Variants in ZNF805 observed in about 807,000 individuals in gnomAD.
ZNF805 encodes the protein zinc finger protein 805, also known as CTC-444N24.8.
A neutral mutation model predicts 13.6 loss-of-function variants in ZNF805; 7 were observed. That is an observed-to-expected ratio of 0.51 (90% CI 0.29 to 0.97). The LOEUF is 0.97. ZNF805 is among the 50% of genes least tolerant of loss of function. ZNF805 has a pLI of 0.08. For synonymous variants in ZNF805, 293 were observed against 279.8 expected (o/e 1.05, Z -0.47); for missense variants, 604 against 771.0 (o/e 0.78, Z 2.57).
rs2087683628 is a variant in ZNF805, at chr19:57,255,722, T to A, written c.*1019T>A. On this transcript the variant is annotated 3_prime_UTR_variant, in exon 4 of 4. Transcript: ENST00000414468. ...GCAACCTTCCTAAACTCATTATTTCTTGCCATTTCTTTTGGGAGAATCCTT... is the reference window on the plus strand; with the variant it reads ...GCAACCTTCCTAAACTCATTATTTCATGCCATTTCTTTTGGGAGAATCCTT... 6.6e-6 allele frequency among the ~76,000 whole-genome samples: 1 copy of A among 152,174 alleles called. No homozygotes were observed. Among genetic ancestry groups the A allele is most frequent in the South Asian group, 2.1e-4 (1 of 4,834 alleles).
intron 1 of ZNF805, 140 bp downstream of exon 1, chr19:57,241,061 A>T (rs2087576868): frequency 2.2e-6 from 2 of 926,094 alleles, no homozygotes; most frequent in East Asian, 5.5e-5. Context: ...CTCGTCACTT[A>T]GTTTATCTCC....
Position 57,253,406 on chromosome 19 carries a change from T to C in ZNF805, c.587T>C (p.Ile196Thr), listed in dbSNP as rs1239137365. ...DSHGSGKNPV[I>T]QEEENIFKCN... ...CATGGATCAGGTAAAAATCCAGTTA[T>C]TCAGGAAGAGGAAAATATCTTTAAA... The change falls in exon 4 of 4, where the codon ATT (isoleucine) becomes ACT (threonine). Residue 196 changes from isoleucine (I) to threonine (T), a missense_variant. Physicochemically the swap from Ile to Thr is moderately conservative, Grantham distance 89 (BLOSUM62 -1). Around this residue, in one of 3 missense-constraint regions of ZNF805, gnomAD observed 327 missense variants for 378.2 expected, o/e 0.86. Coordinates refer to ENST00000414468, the MANE Select transcript of ZNF805 (RefSeq NM_001023563.4). The surrounding 1 kb of genome is among the most constrained non-coding windows in gnomAD (Gnocchi z 4.4). 6.4e-7 allele frequency: 1 copy of C among 1,561,336 alleles called. No homozygotes were observed. Among genetic ancestry groups the C allele is most frequent in the Non-Finnish European group, 8.7e-7 (1 of 1,152,344 alleles).
Position 57,258,785 on chromosome 19 carries a change from A to G in ZNF805, c.*4082A>G, listed in dbSNP as rs529510444. 6.6e-6 allele frequency among the ~76,000 whole-genome samples: 1 copy of G among 152,252 alleles called. No individual in the cohort carries two copies. The highest frequency in any genetic ancestry group is 1.5e-5 in the Non-Finnish European group (1 of 68,012). On this transcript the variant is annotated 3_prime_UTR_variant, in exon 4 of 4. Coordinates refer to ENST00000414468, the MANE Select transcript of ZNF805 (RefSeq NM_001023563.4). ...TGTTGATCTCTTTACCCATTCCACT[A>G]TTCTTTCTTGAAATTCTAAGCCACC...
At chr19:57,242,693 C>T (rs1347355034) in intron 1 of ZNF805, among the ~76,000 whole-genome samples, 1 of 152,166 alleles carries the variant, frequency 6.6e-6, no homozygotes, top group Non-Finnish European at 1.5e-5. Context: ...CACTGCCCCT[C>T]GTCAGGCATT....
In ZNF805 at chr19:57,240,862, C is replaced by G; in HGVS notation, c.-30C>G. The G allele has an allele frequency of 6.5e-7, 1 of 1,547,242 alleles. No individual in the cohort carries two copies. The highest frequency in any genetic ancestry group is 8.7e-7 in the Non-Finnish European group (1 of 1,144,456). On this transcript the variant is annotated 5_prime_UTR_variant, in exon 1 of 4. Coordinates refer to ENST00000414468, the MANE Select transcript of ZNF805 (RefSeq NM_001023563.4). ...GAGACCCGCCCTGCTCGCCGCAGCC[C>G]CCGCCCCGCTAGGGCCACAGGGTCC...
Position 57,240,836 on chromosome 19 carries a change from C to A in ZNF805, c.-56C>A. ...AAGGGGTGGGGCTCGGCTGAGCCCG[C>A]GAGACCCGCCCTGCTCGCCGCAGCC... On this transcript the variant is annotated 5_prime_UTR_variant, in exon 1 of 4. Coordinates refer to ENST00000414468, the MANE Select transcript of ZNF805 (RefSeq NM_001023563.4). 6.5e-7 allele frequency: 1 copy of A among 1,527,918 alleles called. No homozygotes were observed. The highest frequency in any genetic ancestry group is 1.2e-5 in the South Asian group (1 of 82,584). The allele number at this position is 1,527,918 out of a possible 1,614,324, so 94.6% of individuals were successfully genotyped here.
chr19:57,244,199 CTTTTTTTTT>C (rs1200854107), intron 2 of ZNF805, 150 bp downstream of exon 2: 56 of 291,482 alleles, frequency 1.9e-4, no homozygotes, highest in Non-Finnish European at 2.1e-4. Flanking sequence ...TCACCTCTTC[CTTTTTTTTT>C]TTTTTTTTTT....
rs943585028 is a variant in ZNF805 at position 57,259,292 on chromosome 19, G to T, written c.*4589G>T. 6.6e-6 allele frequency among the ~76,000 whole-genome samples: 1 copy of T among 151,788 alleles called. No individual in the cohort carries two copies. Among genetic ancestry groups the T allele is most frequent in the Non-Finnish European group, 1.5e-5 (1 of 67,950 alleles). On this transcript the variant is annotated 3_prime_UTR_variant, in exon 4 of 4. Coordinates refer to ENST00000414468, the MANE Select transcript of ZNF805 (RefSeq NM_001023563.4). The stretch of plus-strand genomic sequence containing the variant: ...CTGTGATATGAATGGTAGAGCTTTT[G>T]TTACTGTCTCAGAGGTCTCTTGTGC...
chr19:57,254,788 G>A lies in ZNF805; in HGVS notation c.*85G>A, dbSNP rs765424788. ...CAGCTTAGAGCCTTATTCTCCATCC[G>A]AATTCATCCTGGAAAAACACCCAGT... On this transcript the variant is annotated 3_prime_UTR_variant, in exon 4 of 4. Transcript: ENST00000414468. 222 of 1,389,052 alleles carry A rather than the reference G, an allele frequency of 1.6e-4. No individual in the cohort carries two copies. The highest frequency in any genetic ancestry group is 2.0e-4 in the Non-Finnish European group (202 of 1,031,160). 86.0% of individuals were successfully genotyped at this position (1,389,052 alleles called of 1,614,324 possible). A position where few individuals can be genotyped will look rare whatever the true frequency, so the allele number is the denominator to read the frequency against.
At chr19:57,248,774 C>T in intron 3 of ZNF805, 74 bp downstream of exon 3, 1 of 1,336,176 alleles carries the variant, frequency 7.5e-7, no homozygotes, top group Non-Finnish European at 1.1e-6. Context: ...GCCCTGGGAT[C>T]TCTTGGGAAG....
rs561488210 is a variant in ZNF805, at chr19:57,258,482, A to G, written c.*3779A>G. Among the ~76,000 whole-genome samples, 5 of 100,496 alleles carry G rather than the reference A, an allele frequency of 5.0e-5. No individual in the cohort carries two copies. Among genetic ancestry groups the G allele is most frequent in the African/African-American group, 7.4e-5 (2 of 26,896 alleles). 65.9% of individuals were successfully genotyped at this position (100,496 alleles called of 152,430 possible). On this transcript the variant is annotated 3_prime_UTR_variant, in exon 4 of 4. Coordinates refer to ENST00000414468, the MANE Select transcript of ZNF805 (RefSeq NM_001023563.4). The stretch of plus-strand genomic sequence containing the variant: ...AACATTTTTTAGAATTCCATTTGAT[A>G]TATTTGTAGTGTTTTTTAAATATAT...
Position 57,248,603 on chromosome 19 carries a change from A to T in ZNF805, c.158-2A>T. 2 of 1,583,296 alleles carry T rather than the reference A, an allele frequency of 1.3e-6. No individual in the cohort carries two copies. Among genetic ancestry groups the T allele is most frequent in the Non-Finnish European group, 1.7e-6 (2 of 1,163,062 alleles). ...GTGTCCACTTGCTTTCTCCATAAAC[A>T]GGGTGTCCTGTTCCCAGACCTGAGC... On this transcript the variant is annotated splice_acceptor_variant, in intron 2 of 3. Transcript: ENST00000414468. LOFTEE classifies it high-confidence loss of function.
At chr19:57,245,766 G>A (rs558224175) in intron 2 of ZNF805, among the ~76,000 whole-genome samples, 56 of 150,782 alleles carry the variant, frequency 3.7e-4, no homozygotes, top group South Asian at 6.3e-4. Flanking sequence ...GCGACAGAGC[G>A]AGACTCCATC....
chr19:57,243,883 G>A, intron 1 of ZNF805, 40 bp from the exon 2 acceptor site: 6 of 1,613,928 alleles, frequency 3.7e-6, no homozygotes, highest in Non-Finnish European at 5.1e-6. Flanking sequence ...ACATGCAATA[G>A]TCCCACAGCA....
Position 57,253,683 on chromosome 19 carries a change from G to A in ZNF805, c.864G>A (p.Lys288=), listed in dbSNP as rs766706463. Residue 288 remains lysine, a synonymous_variant, in exon 4 of 4, where the codon AAG becomes AAA. Coordinates refer to ENST00000414468, the MANE Select transcript of ZNF805 (RefSeq NM_001023563.4). The surrounding 1 kb of genome is among the most constrained non-coding windows in gnomAD (Gnocchi z 4.4). ...QRIHSGEKPY[K]CSECGKAFTH... Reference sequence around the variant, plus strand: ...TTCACAGTGGAGAGAAGCCTTATAAGTGCAGTGAATGTGGAAAGGCCTTCA... The same window carrying A: ...TTCACAGTGGAGAGAAGCCTTATAAATGCAGTGAATGTGGAAAGGCCTTCA... 4 of 1,613,870 alleles carry A rather than the reference G, an allele frequency of 2.5e-6. No individual in the cohort carries two copies. In the East Asian group the frequency reaches 6.7e-5, roughly 27 times the overall value.
intron 2 of ZNF805, 92 bp from the exon 3 acceptor site, chr19:57,248,513 T>G: frequency 1.7e-6 from 2 of 1,186,862 alleles, no homozygotes; most frequent in South Asian, 1.3e-5. Flanking sequence ...CATTCCAAGG[T>G]CTGGTCCCCA....
At position 57,254,707 on chromosome 19, in the gene ZNF805, A is replaced by C; in HGVS notation, c.*4A>C. The C allele has an allele frequency of 6.3e-7, 1 of 1,598,898 alleles. No individual in the cohort carries two copies. Among genetic ancestry groups the C allele is most frequent in the Non-Finnish European group, 8.5e-7 (1 of 1,172,602 alleles). Reference sequence around the variant, plus strand: ...CCCACAAGTGTCTTCACTGTGAGAAAACCTTCTGTTGCCAAATGTCATTTG... The same window carrying C: ...CCCACAAGTGTCTTCACTGTGAGAACACCTTCTGTTGCCAAATGTCATTTG... On this transcript the variant is annotated 3_prime_UTR_variant, in exon 4 of 4. Coordinates refer to ENST00000414468, the MANE Select transcript of ZNF805 (RefSeq NM_001023563.4).
chr19:57,252,651 T>C (rs1314055711), intron 3 of ZNF805, among the ~76,000 whole-genome samples: 1 of 152,240 alleles, frequency 6.6e-6, no homozygotes, highest in African/African-American at 2.4e-5. Context: ...ATGTGAAGTT[T>C]CCAGCCTTCG....
At chr19:57,248,774 C>A in intron 3 of ZNF805, 74 bp downstream of exon 3, 1 of 1,336,176 alleles carries the variant, frequency 7.5e-7, no homozygotes, top group Non-Finnish European at 1.1e-6. Context: ...GCCCTGGGAT[C>A]TCTTGGGAAG....
Sources: gnomAD v4.1 joint callset for allele counts (sites outside exome capture counted in the v4.1 genomes callset) on GRCh38, gnomAD v4.1.1 for gene constraint, gnomAD v4.1.1 regional missense constraint, Gnocchi (gnomAD v3.1) non-coding constraint, MANE v1.5 for transcripts, NCBI Gene and HGNC (gene_info 2026-07-23, HGNC 2026-07-21) for gene names.